Variants in ZNG1F observed in about 807,000 individuals in gnomAD.
ZNG1F encodes zinc-regulated GTPase metalloprotein activator 1F.
chr9:41,155,255 T>C, the ZNG1F span, among the ~76,000 whole-genome samples: 3 of 150,370 alleles, frequency 2.0e-5, 1 homozygote, highest in African/African-American at 7.4e-5. Flanking sequence ...CATGAAAAAA[T>C]GCTCACCATC....
At chr9:41,150,427 G>T in the ZNG1F span, among the ~76,000 whole-genome samples, 2 of 137,240 alleles carry the variant, frequency 1.5e-5, no homozygotes, top group Non-Finnish European at 3.2e-5. Flanking sequence ...GGCTTGCTTA[G>T]GTAAACAAAG....
chr9:41,145,508 GT>G, the ZNG1F span: 93 of 627,072 alleles, frequency 1.5e-4, 3 homozygotes, highest in Middle Eastern at 4.7e-4. Context: ...GGCAGATTAA[GT>G]TTTTTTAAAA....
chr9:41,175,186 C>T, the ZNG1F span, among the ~76,000 whole-genome samples: 1 of 148,472 alleles, frequency 6.7e-6, no homozygotes, highest in South Asian at 2.1e-4. Flanking sequence ...ATGTGGTCCC[C>T]CAAGCATCAC....
chr9:41,189,804 CTTT>C, the ZNG1F span, among the ~76,000 whole-genome samples: 2 of 23,326 alleles, frequency 8.6e-5, no homozygotes, highest in African/African-American at 3.7e-4. Context: ...ACAATTTTTT[CTTT>C]TTTTATTATT....
At chr9:41,183,230 A>C in the ZNG1F span, among the ~76,000 whole-genome samples, 64 of 124,962 alleles carry the variant, frequency 5.1e-4, 5 homozygotes, top group East Asian at 0.015. Flanking sequence ...TTTTTTTTTT[A>C]TAAGGTTGAA....
chr9:41,139,160 C>A, the ZNG1F span, among the ~76,000 whole-genome samples: 1 of 82,846 alleles, frequency 1.2e-5, no homozygotes, highest in Admixed American at 1.4e-4. Flanking sequence ...TTTCATCCTA[C>A]GGGGTGTTCC....
chr9:41,140,993 G>A, the ZNG1F span, among the ~76,000 whole-genome samples: 23 of 151,204 alleles, frequency 1.5e-4, 1 homozygote, highest in South Asian at 8.4e-4. Context: ...CTGTCAAAGC[G>A]CTAGGATTAC....
At chr9:41,204,420 A>C in the ZNG1F span, among the ~76,000 whole-genome samples, 3,702 of 13,170 alleles carry the variant, frequency 0.28, 350 homozygotes, top group East Asian at 0.44. Flanking sequence ...ATATATATAT[A>C]TCTGTATAAC....
chr9:41,152,277 G>A, the ZNG1F span, among the ~76,000 whole-genome samples: 1 of 145,602 alleles, frequency 6.9e-6, no homozygotes, highest in Admixed American at 7.0e-5. Context: ...AATGGTAAAG[G>A]GATCAATTCA....
At chr9:41,192,741 G>A in the ZNG1F span, among the ~76,000 whole-genome samples, 1 of 134,272 alleles carries the variant, frequency 7.4e-6, no homozygotes, top group Admixed American at 7.9e-5. Context: ...TAAAGAGCTG[G>A]GATTACAGGC....
chr9:41,136,517 C>T, the ZNG1F span, among the ~76,000 whole-genome samples: 1 of 27,882 alleles, frequency 3.6e-5, no homozygotes, highest in East Asian at 8.7e-4. Context: ...ATACTGGCTT[C>T]ATAGAATGAT....
chr9:41,195,653 G>C, the ZNG1F span, among the ~76,000 whole-genome samples: 2 of 122,340 alleles, frequency 1.6e-5, no homozygotes, highest in Admixed American at 9.7e-5. Flanking sequence ...AAGTTGAGTG[G>C]TGCACCAATC....
chr9:41,141,043 T>A, the ZNG1F span, among the ~76,000 whole-genome samples: 2 of 151,234 alleles, frequency 1.3e-5, no homozygotes, highest in African/African-American at 4.9e-5. Flanking sequence ...ATTTTTATAA[T>A]GATTTTTGCT....
chr9:41,155,299 A>T, the ZNG1F span, among the ~76,000 whole-genome samples: 2 of 150,400 alleles, frequency 1.3e-5, no homozygotes, highest in East Asian at 3.9e-4. Flanking sequence ...TCAAAACCAC[A>T]ATGAGATACT....
At chr9:41,154,696 T>C in the ZNG1F span, among the ~76,000 whole-genome samples, 4 of 148,924 alleles carry the variant, frequency 2.7e-5, no homozygotes, top group Non-Finnish European at 4.5e-5. Flanking sequence ...TCAGAAATAA[T>C]GCCGCATATC....
At chr9:41,152,320 C>A in the ZNG1F span, among the ~76,000 whole-genome samples, 2 of 149,160 alleles carry the variant, frequency 1.3e-5, no homozygotes, top group Non-Finnish European at 3.0e-5. Flanking sequence ...AATATACATG[C>A]ACCCAATACA....
chr9:41,198,483 TTTTAC>T, the ZNG1F span, among the ~76,000 whole-genome samples: 1 of 148,636 alleles, frequency 6.7e-6, no homozygotes, highest in African/African-American at 2.5e-5. Flanking sequence ...TAATGGTTCC[TTTTAC>T]TTCATGTATT....
At chr9:41,201,178 G>A in the ZNG1F span, among the ~76,000 whole-genome samples, 57 of 145,292 alleles carry the variant, frequency 3.9e-4, no homozygotes, top group African/African-American at 7.8e-4. Flanking sequence ...TATGTAGTAT[G>A]ATTCCATTTC....
chr9:41,169,624 AG>A, the ZNG1F span, among the ~76,000 whole-genome samples: 1 of 151,730 alleles, frequency 6.6e-6, no homozygotes, highest in South Asian at 2.1e-4. Context: ...AAGAATACAA[AG>A]TTTGTTATAC....
Sources: allele counts gnomAD v4.1 joint callset (sites outside exome capture counted in the v4.1 genomes callset), GRCh38; gene constraint gnomAD v4.1.1; transcripts MANE v1.5; gene names NCBI Gene and HGNC (gene_info 2026-07-23, HGNC 2026-07-21).